Variants in COPS5 observed in about 807,000 individuals in gnomAD.
COPS5 encodes the protein COP9 signalosome complex subunit 5.
A neutral mutation model predicts 44.4 loss-of-function variants in COPS5; 8 were observed. The ratio of observed to expected loss-of-function variants is 0.18; its 90% CI spans 0.11 to 0.32. The LOEUF (loss-of-function observed/expected upper bound fraction) is 0.32, where lower values mean the gene tolerates loss of function less well. Ranked by LOEUF, COPS5 falls within the 10% of genes least tolerant of loss-of-function variation. The pLI, the probability that COPS5 is intolerant of heterozygous loss-of-function variation, is 1.00. For synonymous variants in COPS5, 122 were observed against 142.8 expected, an observed-to-expected ratio of 0.85 and a Z score of 1.04; for missense variants, 159 against 406.4, an observed-to-expected ratio of 0.39 and a Z score of 5.23.
intron 5 of COPS5, among the ~76,000 whole-genome samples, chr8:67,055,492 G>A (rs1288148116): frequency 6.6e-6 from 1 of 152,132 alleles, no homozygotes; most frequent in Non-Finnish European, 1.5e-5. Flanking sequence ...TATTTAGAAG[G>A]TAGAGAAAAC....
chr8:67,047,246 G>A (rs1816713005), intron 6 of COPS5, among the ~76,000 whole-genome samples: 1 of 152,178 alleles, frequency 6.6e-6, no homozygotes, highest in Non-Finnish European at 1.5e-5. Flanking sequence ...GTTATTTGCT[G>A]CCATCACAGC....
intron 6 of COPS5, among the ~76,000 whole-genome samples, chr8:67,048,901 A>C (rs1816734566): frequency 6.6e-6 from 1 of 152,312 alleles, no homozygotes; most frequent in African/African-American, 2.4e-5. Context: ...TGTATGTAGC[A>C]TATCAACATT....
chr8:67,059,713 A>T, intron 1 of COPS5: 1 of 365,510 alleles, frequency 2.7e-6, no homozygotes. Context: ...TAACATGACC[A>T]GTTCAACAGA....
intron 7 of COPS5, chr8:67,043,523 C>A (rs928593175): frequency 1.5e-5 from 6 of 393,736 alleles, no homozygotes; most frequent in African/African-American, 4.2e-5. Context: ...AGAACTTTCA[C>A]AAGAGAATGA....
intron 5 of COPS5, among the ~76,000 whole-genome samples, chr8:67,053,895 A>G (rs888516425): frequency 6.8e-6 from 1 of 147,800 alleles, no homozygotes; most frequent in Non-Finnish European, 1.5e-5. Flanking sequence ...AGTTCCAGCT[A>G]CTCGGGAGGG....
At chr8:67,054,171 A>C (rs1398612147) in intron 5 of COPS5, among the ~76,000 whole-genome samples, 3 of 152,150 alleles carry the variant, frequency 2.0e-5, no homozygotes, top group Non-Finnish European at 4.4e-5. Context: ...ATTGGTACGC[A>C]ACACGATCTT....
At chr8:67,060,235 C>T (rs1585717467) in intron 1 of COPS5, 1 of 688,240 alleles carries the variant, frequency 1.5e-6, no homozygotes, top group East Asian at 8.9e-5. Flanking sequence ...TAATGCAGCC[C>T]AAGACAGCTA....
chr8:67,058,314 C>G, intron 2 of COPS5, 103 bp from the exon 3 acceptor site: 2 of 1,131,364 alleles, frequency 1.8e-6, no homozygotes, highest in African/African-American at 1.6e-5. Flanking sequence ...TCCTTCTCCT[C>G]AATTACCCAC....
intron 5 of COPS5, among the ~76,000 whole-genome samples, chr8:67,051,709 G>A (rs1392383412): frequency 2.0e-5 from 3 of 152,234 alleles, no homozygotes; most frequent in African/African-American, 7.2e-5. Flanking sequence ...ATTTTTGTTA[G>A]CCTCTTTAAA....
At chr8:67,046,907 G>A (rs1816708614) in intron 6 of COPS5, among the ~76,000 whole-genome samples, 1 of 149,530 alleles carries the variant, frequency 6.7e-6, no homozygotes, top group South Asian at 2.1e-4. Context: ...AAAATGTAGA[G>A]CAATATAAAG....
intron 2 of COPS5, 141 bp downstream of exon 2, chr8:67,059,070 A>G: frequency 1.6e-6 from 1 of 609,636 alleles, no homozygotes. Flanking sequence ...CAGGCTTTTA[A>G]TCTCGTACAT....
Position 67,061,429 on chromosome 8 carries a change from A to C in COPS5, c.143+425T>G, listed in dbSNP as rs529997717. The C allele has an allele frequency of 1.8e-4, 80 of 444,638 alleles. 2 individuals are homozygous for C. Among genetic ancestry groups the C allele is most frequent in the Middle Eastern group, 1.3e-3 (4 of 3,002 alleles). The allele number at this position is 444,638 out of a possible 1,614,324, so 27.5% of individuals were successfully genotyped here. On this transcript the variant is annotated intron_variant, in intron 1 of 7. Coordinates refer to ENST00000357849, the MANE Select transcript of COPS5 (RefSeq NM_006837.3). ...ACACAGCGAGGACCCATTTCTATTA[A>C]AAAAAAAAGAAAAGAAAATAGCTCA...
chr8:67,051,214 C>T lies in COPS5; in HGVS notation c.771+16G>A. On this transcript the variant is annotated intron_variant, in intron 6 of 7. Coordinates refer to ENST00000357849, the MANE Select transcript of COPS5 (RefSeq NM_006837.3). The stretch of plus-strand genomic sequence containing the variant: ...AGATAAAATTCAAATGCATTCTTTA[C>T]AAGTATAGTACTTACAGTAAGCAAG... 7.2e-7 allele frequency: 1 copy of T among 1,398,214 alleles called. No homozygotes were observed. The highest frequency in any genetic ancestry group is 1.2e-5 in the South Asian group (1 of 86,758). The allele number at this position is 1,398,214 out of a possible 1,614,324, so 86.6% of individuals were successfully genotyped here. A position where few individuals can be genotyped will look rare whatever the true frequency, so the allele number is the denominator to read the frequency against.
At position 67,062,037 on chromosome 8, in the gene COPS5, C is replaced by A. The variant is rs780773330; in HGVS notation, c.-41G>T. The A allele has an allele frequency of 6.2e-7, 1 of 1,613,756 alleles. No homozygotes were observed. Among genetic ancestry groups the A allele is most frequent in the South Asian group, 1.1e-5 (1 of 91,072 alleles). On this transcript the variant is annotated 5_prime_UTR_variant, in exon 1 of 8. Coordinates refer to ENST00000357849, the MANE Select transcript of COPS5 (RefSeq NM_006837.3). The stretch of plus-strand genomic sequence containing the variant: ...GAAGTTGTCGTCTCTACAACCAAGA[C>A]GCAACTTTACCTCGCTAGGTTTCCG...
At position 67,058,155 on chromosome 8, in the gene COPS5, G is replaced by A. The variant is rs756075307; in HGVS notation, c.435C>T (p.Cys145=). ...TACTAACATCAATCCCAGAAAGCCA[G>A]CAGCCATAGCCAGGGTGGCTATGAT... ...GWYHSHPGYG[C]WLSGIDVSTQ... The change falls in exon 3 of 8, where the codon TGC becomes TGT. Residue 145 remains cysteine, a synonymous_variant. Transcript: ENST00000357849. The A allele has an allele frequency of 6.2e-7, 1 of 1,613,942 alleles. No individual in the cohort carries two copies. The highest frequency in any genetic ancestry group is 2.2e-5 in the East Asian group (1 of 44,882).
intron 5 of COPS5, among the ~76,000 whole-genome samples, chr8:67,053,287 C>T (rs1216757396): frequency 6.6e-6 from 1 of 150,824 alleles, no homozygotes; most frequent in Non-Finnish European, 1.5e-5. Flanking sequence ...GACAGGGTTT[C>T]ACCATGTTGT....
intron 5 of COPS5, among the ~76,000 whole-genome samples, chr8:67,055,782 C>T (rs1280880162): frequency 6.7e-6 from 1 of 148,942 alleles, no homozygotes; most frequent in Non-Finnish European, 1.5e-5. Flanking sequence ...AGGAGAATTG[C>T]TTGAACCTAG....
Position 67,051,297 on chromosome 8 carries a change from C to T in COPS5, c.704G>A (p.Arg235His), listed in dbSNP as rs138638780. The T allele has an allele frequency of 2.4e-5, 39 of 1,611,410 alleles. No individual in the cohort carries two copies. The highest frequency in any genetic ancestry group is 3.2e-5 in the Non-Finnish European group (38 of 1,178,830). Reference sequence around the variant, plus strand: ...ATTCCACAACAGCTCAAGCAATTTGCGATCCAAAGAGGATTTGAAATATGA... The same window carrying T: ...ATTCCACAACAGCTCAAGCAATTTGTGATCCAAAGAGGATTTGAAATATGA... ...EVSYFKSSLD[R>H]KLLELLWNKY... The change falls in exon 6 of 8, where the codon CGC (arginine) becomes CAC (histidine). Residue 235 changes from arginine (R) to histidine (H), a missense_variant. Around this residue, in one of 2 missense-constraint regions of COPS5, gnomAD observed 134 missense variants for 376.7 expected, o/e 0.36. Transcript: ENST00000357849.
chr8:67,053,850 C>CA (rs777506165), intron 5 of COPS5, among the ~76,000 whole-genome samples: 1 of 149,956 alleles, frequency 6.7e-6, no homozygotes, highest in Non-Finnish European at 1.5e-5. Context: ...ACTAAAAATA[C>CA]AAAAAATTAG....
Sources: gnomAD v4.1 joint callset for allele counts (sites outside exome capture counted in the v4.1 genomes callset) on GRCh38, gnomAD v4.1.1 for gene constraint, gnomAD v4.1.1 regional missense constraint, MANE v1.5 for transcripts, NCBI Gene and HGNC (gene_info 2026-07-23, HGNC 2026-07-21) for gene names.